FNIP2: variants seen among roughly 807,000 people sequenced by gnomAD.
The protein encoded by FNIP2 is folliculin-interacting protein 2.
Under a neutral mutation model 108.7 loss-of-function variants are expected in FNIP2, and 32 were observed. The ratio of observed to expected loss-of-function variants is 0.29; its 90% CI spans 0.22 to 0.40. The LOEUF (loss-of-function observed/expected upper bound fraction) is 0.40. Among genes scored for constraint, FNIP2 ranks in the 10% least tolerant of loss-of-function variants. FNIP2 has a pLI of 1.00. For missense variants in FNIP2, 1,202 were observed against 1,381.6 expected (o/e 0.87, Z 2.06); for synonymous variants, 480 against 496.7 (o/e 0.97, Z 0.45).
At chr4:158,812,870 C>A (rs1247253880) in intron 1 of FNIP2, among the ~76,000 whole-genome samples, 1 of 151,074 alleles carries the variant, frequency 6.6e-6, no homozygotes, top group Non-Finnish European at 1.5e-5. Flanking sequence ...CCCTAGAAAT[C>A]CTCTGTGCCT....
intron 10 of FNIP2, 97 bp from the exon 11 acceptor site, chr4:158,861,245 T>C (rs1780275480): frequency 7.4e-7 from 1 of 1,357,782 alleles, no homozygotes. Context: ...AAGGACTACA[T>C]AGATTCAAGT....
intron 8 of FNIP2, among the ~76,000 whole-genome samples, chr4:158,852,891 A>T (rs1350735315): frequency 6.6e-6 from 1 of 152,214 alleles, no homozygotes; most frequent in Non-Finnish European, 1.5e-5. Flanking sequence ...TAAAATAAGT[A>T]TCTTACATTC....
At position 158,830,355 on chromosome 4, in the gene FNIP2, C is replaced by T. The variant is rs369763652; in HGVS notation, c.381+1130C>T. Among the ~76,000 whole-genome samples the T allele has an allele frequency of 8.7e-5, 13 of 150,034 alleles. No individual in the cohort carries two copies. In the East Asian group the frequency reaches 1.4e-3, roughly 16 times the overall value. The stretch of plus-strand genomic sequence containing the variant: ...TCGGCTCACTGCAAGCTCCGCTTCC[C>T]GGGTTCACGCCATTCTCCTGCCTCA... On this transcript the variant is annotated intron_variant, in intron 3 of 16. Coordinates refer to ENST00000264433, the MANE Select transcript of FNIP2 (RefSeq NM_020840.3).
intron 1 of FNIP2, among the ~76,000 whole-genome samples, chr4:158,823,661 G>T (rs1323088714): frequency 6.6e-6 from 1 of 152,234 alleles, no homozygotes; most frequent in African/African-American, 2.4e-5. Context: ...CCAGGAATCT[G>T]TTTCATTCTA....
At position 158,859,626 on chromosome 4, in the gene FNIP2, T is replaced by A; in HGVS notation, c.1108T>A (p.Phe370Ile). ...KIAESSLRVQ[F>I]YVSRLMEALG... Reference sequence around the variant, plus strand: ...AGCAGAATCAAGTCTCCGAGTCCAGTTTTATGTCAGCCGTTTGATGGAAGC... The same window carrying A: ...AGCAGAATCAAGTCTCCGAGTCCAGATTTATGTCAGCCGTTTGATGGAAGC... The change falls in exon 10 of 17, where the codon TTT becomes ATT. Residue 370 changes from phenylalanine (F) to isoleucine (I), a missense_variant. Physicochemically the swap from Phe to Ile is conservative, Grantham distance 21. Transcript: ENST00000264433. 2 of 1,613,548 alleles carry A rather than the reference T, an allele frequency of 1.2e-6. No individual in the cohort carries two copies. Among genetic ancestry groups the A allele is most frequent in the Non-Finnish European group, 1.7e-6 (2 of 1,179,708 alleles).
rs770848103 is a variant in FNIP2, at chr4:158,869,284, C to T, written c.2648C>T (p.Thr883Ile). ...GDDNKKANFR[T>I]EGDIPRNESS... ...GACAACAAGAAGGCCAACTTCAGGA[C>T]TGAAGGAGACATTCCCCGAAATGAA... Residue 883 changes from threonine (T) to isoleucine (I), a missense_variant, in exon 13 of 17, where the codon ACT becomes ATT. Coordinates refer to ENST00000264433, the MANE Select transcript of FNIP2 (RefSeq NM_020840.3). The T allele has an allele frequency of 6.2e-7, 1 of 1,614,012 alleles. No homozygotes were observed. Among genetic ancestry groups the T allele is most frequent in the South Asian group, 1.1e-5 (1 of 91,086 alleles).
At chr4:158,794,234 C>G (rs905621888) in intron 1 of FNIP2, among the ~76,000 whole-genome samples, 2 of 152,022 alleles carry the variant, frequency 1.3e-5, no homozygotes, top group African/African-American at 4.8e-5. Flanking sequence ...CTCACTGCAG[C>G]CTTGACCTCC....
Position 158,891,663 on chromosome 4 carries a change from A to C in FNIP2, c.3150+17A>C. The C allele has an allele frequency of 6.3e-7, 1 of 1,585,800 alleles. No individual in the cohort carries two copies. The highest frequency in any genetic ancestry group is 8.6e-7 in the Non-Finnish European group (1 of 1,161,588). ...GCTGATTTTGTAAGTACTGGTTCTT[A>C]TATCACCAAAGAAATCTAGTTTTAA... On this transcript the variant is annotated intron_variant, in intron 15 of 16. Transcript: ENST00000264433.
At chr4:158,841,362 G>A (rs1779122856) in intron 7 of FNIP2, among the ~76,000 whole-genome samples, 1 of 152,170 alleles carries the variant, frequency 6.6e-6, no homozygotes, top group Non-Finnish European at 1.5e-5. Flanking sequence ...AGAAAGGGAA[G>A]AGGGAGAGGA....
intron 1 of FNIP2, among the ~76,000 whole-genome samples, chr4:158,804,877 C>A (rs888530466): frequency 6.6e-6 from 1 of 152,110 alleles, no homozygotes; most frequent in East Asian, 1.9e-4. Context: ...CTGGTTTTAT[C>A]TTGATACTAT....
chr4:158,847,683 C>T (rs1219596387), intron 7 of FNIP2, among the ~76,000 whole-genome samples: 1 of 152,068 alleles, frequency 6.6e-6, no homozygotes, highest in East Asian at 1.9e-4. Context: ...GGGTAGAGCA[C>T]CAAGCAGGCA....
intron 2 of FNIP2, among the ~76,000 whole-genome samples, chr4:158,827,494 T>C (rs1778222397): frequency 1.3e-5 from 2 of 151,920 alleles, no homozygotes; most frequent in Admixed American, 1.3e-4. Context: ...GTTCAGGAGG[T>C]TTGTAGCTTG....
intron 4 of FNIP2, 42 bp downstream of exon 4, chr4:158,832,003 A>G (rs756627581): frequency 6.3e-7 from 1 of 1,599,306 alleles, no homozygotes; most frequent in South Asian, 1.1e-5. Flanking sequence ...GAGAAGTGGA[A>G]CGGTGGTATT....
chr4:158,896,802 A>G (rs1421666929), intron 16 of FNIP2, among the ~76,000 whole-genome samples: 2 of 140,590 alleles, frequency 1.4e-5, no homozygotes, highest in African/African-American at 5.3e-5. Flanking sequence ...TTTTGTTTAT[A>G]TCTCTCTACC....
intron 16 of FNIP2, among the ~76,000 whole-genome samples, chr4:158,903,926 G>A (rs964081378): frequency 1.3e-5 from 2 of 152,142 alleles, no homozygotes; most frequent in Non-Finnish European, 2.9e-5. Context: ...TCTTAACCCA[G>A]TACCTTTTAG....
At chr4:158,862,497 A>T (rs34083477) in intron 12 of FNIP2, among the ~76,000 whole-genome samples, 55 of 152,072 alleles carry the variant, frequency 3.6e-4, no homozygotes. Context: ...TTTAAATGGA[A>T]TTAAGGAAGG....
rs758785858 is a variant in FNIP2, at chr4:158,868,226, A to G, written c.1590A>G (p.Leu530=). 16 of 1,614,076 alleles carry G rather than the reference A, an allele frequency of 9.9e-6. No individual in the cohort carries two copies. The highest frequency in any genetic ancestry group is 1.6e-4 in the Middle Eastern group (1 of 6,062). ...VLTYFLRCSE[L]QENQLTWSGN... ...CCTACTTTCTCCGTTGCTCTGAGCT[A>G]CAAGAGAACCAGCTGACCTGGAGTG... is the stretch of plus-strand genomic sequence containing the variant. The change falls in exon 13 of 17, where the codon CTA becomes CTG. Residue 530 remains leucine (L), a synonymous_variant. Coordinates refer to ENST00000264433, the MANE Select transcript of FNIP2 (RefSeq NM_020840.3). The surrounding 1 kb of genome is among the most constrained non-coding windows in gnomAD (Gnocchi z 4.6).
chr4:158,859,203 C>G lies in FNIP2; in HGVS notation c.1004C>G (p.Ser335Cys). 1 of 1,612,770 alleles carries G rather than the reference C, an allele frequency of 6.2e-7. No homozygotes were observed. Among genetic ancestry groups the G allele is most frequent in the Non-Finnish European group, 8.5e-7 (1 of 1,179,288 alleles). ...AGGAATTTCCAGGACTTCTTCTTTT[C>G]TCATTTTCCCCTGTTTGAATCTCAC... ...AQRNFQDFFF[S>C]HFPLFESHMN... The change falls in exon 9 of 17, where the codon TCT (serine) becomes TGT (cysteine). Residue 335 changes from serine to cysteine, a missense_variant. Around this residue, in one of 5 missense-constraint regions of FNIP2, gnomAD observed 878 missense variants for 990.3 expected, o/e 0.89. Coordinates refer to ENST00000264433, the MANE Select transcript of FNIP2 (RefSeq NM_020840.3).
At position 158,869,197 on chromosome 4, in the gene FNIP2, C is replaced by T. The variant is rs935512861; in HGVS notation, c.2561C>T (p.Ala854Val). 3 of 1,614,036 alleles carry T rather than the reference C, an allele frequency of 1.9e-6. No homozygotes were observed. In the South Asian group the frequency reaches 3.3e-5, roughly 18 times the overall value. ...GAAGGACCTGTGCTGGAGCCTGTTG[C>T]CCCCAGGTGTGTCCAGCGGGGCCCT... Reference protein sequence around the residue: ...AAEGPVLEPVAPRCVQRGPGL... With the variant: ...AAEGPVLEPVVPRCVQRGPGL... Residue 854 changes from alanine (A) to valine (V), a missense_variant, in exon 13 of 17, where the codon GCC becomes GTC. By Grantham distance (64) the Ala-to-Val change is moderately conservative. Around this residue, in one of 5 missense-constraint regions of FNIP2, gnomAD observed 878 missense variants for 990.3 expected, o/e 0.89. Transcript: ENST00000264433.
Sources: gnomAD v4.1 joint callset for allele counts (sites outside exome capture counted in the v4.1 genomes callset) on GRCh38, gnomAD v4.1.1 for gene constraint, gnomAD v4.1.1 regional missense constraint, Gnocchi (gnomAD v3.1) non-coding constraint, MANE v1.5 for transcripts, NCBI Gene and HGNC (gene_info 2026-07-23, HGNC 2026-07-21) for gene names.